The following EP400 variants were observed in gnomAD, a reference collection of about 807,000 sequenced individuals.
EP400 encodes the protein E1A binding protein p400.
A neutral mutation model predicts 354.1 loss-of-function variants in EP400; 105 were observed. That is an observed-to-expected ratio of 0.30 (90% CI 0.25 to 0.35). The LOEUF is 0.35. Ranked by LOEUF, EP400 falls within the 10% of genes least tolerant of loss-of-function variation. EP400 has a pLI of 1.00. For missense variants in EP400, 3,280 were observed against 4,121.0 expected, an observed-to-expected ratio of 0.80 and a Z score of 5.59; for synonymous variants, 1,646 against 1,716.9, an observed-to-expected ratio of 0.96 and a Z score of 1.02.
At chr12:132,049,814 C>T (rs371699482) in intron 39 of EP400, among the ~76,000 whole-genome samples, 10 of 152,348 alleles carry the variant, frequency 6.6e-5, no homozygotes, top group South Asian at 4.1e-4. Flanking sequence ...CATTGTTTAG[C>T]TGTGCCATTT....
At chr12:132,041,297 T>C (rs1420817671) in intron 32 of EP400, among the ~76,000 whole-genome samples, 1 of 152,210 alleles carries the variant, frequency 6.6e-6, no homozygotes, top group East Asian at 1.9e-4. Flanking sequence ...ACAGCAAGTG[T>C]ACACATTACA....
At chr12:131,962,061 A>ATT in intron 2 of EP400, 107 bp downstream of exon 2, 1 of 1,385,846 alleles carries the variant, frequency 7.2e-7, no homozygotes, top group Non-Finnish European at 9.6e-7. Context: ...TTTCTAAGGT[A>ATT]TTTCTAAGGT....
chr12:132,066,441 C>T, intron 48 of EP400: 1 of 263,674 alleles, frequency 3.8e-6, no homozygotes, highest in Non-Finnish European at 7.2e-6. Flanking sequence ...AGTGAAAAGC[C>T]TTCTGTGGGA....
At chr12:131,991,332 C>A in intron 9 of EP400, 75 bp from the exon 10 acceptor site, 1 of 1,496,940 alleles carries the variant, frequency 6.7e-7, no homozygotes, top group Non-Finnish European at 9.3e-7. Flanking sequence ...GCAGCAGGAC[C>A]CTGCCTGGAA....
chr12:132,018,275 G>A lies in EP400; in HGVS notation c.4176G>A (p.Glu1392=). 1 of 1,613,916 alleles carries A rather than the reference G, an allele frequency of 6.2e-7. No homozygotes were observed. The highest frequency in any genetic ancestry group is 8.5e-7 in the Non-Finnish European group (1 of 1,179,966). ...ATAAAATCACTCGTCACGAGGCAGA[G>A]TTGCTGTCTAAGAAAAAGATACCGC... The part of the protein sequence containing the change: ...LENKITRHEA[E]LLSKKKIPRK... The change falls in exon 21 of 53, where the codon GAG becomes GAA. Residue 1392 remains glutamate, a synonymous_variant. Transcript: ENST00000389561. The surrounding 1 kb of genome is among the most constrained non-coding windows in gnomAD (Gnocchi z 4.0).
At chr12:132,033,937 C>T (rs931521727) in intron 30 of EP400, among the ~76,000 whole-genome samples, 2 of 151,922 alleles carry the variant, frequency 1.3e-5, no homozygotes, top group Non-Finnish European at 2.9e-5. Flanking sequence ...ACATGTTCCT[C>T]GAGGGAAAAA....
chr12:132,071,403 C>T (rs564674646), intron 51 of EP400, among the ~76,000 whole-genome samples: 29 of 152,246 alleles, frequency 1.9e-4, no homozygotes, highest in African/African-American at 6.5e-4. Context: ...CAGGTGTGTA[C>T]GCCTGACCTG....
chr12:132,066,554 C>A, intron 48 of EP400: 1 of 536,448 alleles, frequency 1.9e-6, no homozygotes, highest in Non-Finnish European at 3.2e-6. Flanking sequence ...GTGTGATGAG[C>A]CTGCAGGTCT....
chr12:132,031,855 T>C (rs1177120645), intron 29 of EP400, 98 bp from the exon 30 acceptor site: 1 of 1,322,212 alleles, frequency 7.6e-7, no homozygotes, highest in Non-Finnish European at 1.0e-6. Flanking sequence ...ACGCCCGGCC[T>C]GCTGTGGGAT....
intron 32 of EP400, 37 bp from the exon 33 acceptor site, chr12:132,043,267 A>C: frequency 6.3e-7 from 1 of 1,582,222 alleles, no homozygotes. Context: ...TCATTTAAAA[A>C]GTCTATCAAG....
At chr12:132,061,028 T>C (rs1351408586) in intron 45 of EP400, among the ~76,000 whole-genome samples, 1 of 152,078 alleles carries the variant, frequency 6.6e-6, no homozygotes, top group South Asian at 2.1e-4. Context: ...AAGAAAGGTG[T>C]TCCCAGCTGG....
At chr12:131,963,446 T>C in intron 2 of EP400, 2 of 931,922 alleles carry the variant, frequency 2.1e-6, no homozygotes. Context: ...CAAATGTCAG[T>C]GAGCTATCAG....
intron 48 of EP400, chr12:132,065,228 G>A (rs967587095): frequency 1.7e-4 from 62 of 368,374 alleles, no homozygotes; most frequent in Admixed American, 4.8e-4. Flanking sequence ...AGCAGAGGGC[G>A]CTGTGCATGT....
chr12:132,039,689 C>T (rs952880824), intron 32 of EP400, among the ~76,000 whole-genome samples: 27 of 152,190 alleles, frequency 1.8e-4, no homozygotes, highest in Admixed American at 3.9e-4. Context: ...GGATCAACCT[C>T]ATTGTGTTTT....
rs1303846291 is a variant in EP400 at position 132,024,311 on chromosome 12, T to C, written c.4855+370T>C. On this transcript the variant is annotated intron_variant, in intron 24 of 52. Coordinates refer to ENST00000389561, the MANE Select transcript of EP400 (RefSeq NM_015409.5). ...TCACCTGAGCCCCAGAGGTTGAAACTGCAGTGAGCCGAGATCGTGTCACTG... is the reference window on the plus strand; with the variant it reads ...TCACCTGAGCCCCAGAGGTTGAAACCGCAGTGAGCCGAGATCGTGTCACTG... 3.9e-5 allele frequency among the ~76,000 whole-genome samples: 6 copies of C among 152,172 alleles called. No individual in the cohort carries two copies. In the East Asian group the frequency reaches 1.2e-3, roughly 29 times the overall value.
At position 132,050,188 on chromosome 12, in the gene EP400, A is replaced by C; in HGVS notation, c.7201-135A>C. On this transcript the variant is annotated intron_variant, in intron 39 of 52. Transcript: ENST00000389561. This position sits in a 1 kb window ranked among gnomAD's most constrained non-coding sequence, Gnocchi z 4.8. ...TGGGTTATGCCTGAACTTGGAAAGA[A>C]GGCCCAGGAAAAGGAAGTTTGTGTT... The C allele has an allele frequency of 1.5e-5, 17 of 1,096,888 alleles. No individual in the cohort carries two copies. The highest frequency in any genetic ancestry group is 2.2e-5 in the Non-Finnish European group (17 of 769,646). The allele number at this position is 1,096,888 out of a possible 1,614,324, so 67.9% of individuals were successfully genotyped here. A position where few individuals can be genotyped will look rare whatever the true frequency, so the allele number is the denominator to read the frequency against.
chr12:131,983,276 G>A (rs1031778876), intron 5 of EP400, among the ~76,000 whole-genome samples: 15 of 152,204 alleles, frequency 9.9e-5, no homozygotes, highest in Non-Finnish European at 1.8e-4. Context: ...CTCCCTGGAC[G>A]CCTGCTTTGC....
At position 132,029,871 on chromosome 12, in the gene EP400, T is replaced by C. The variant is rs1894430239; in HGVS notation, c.5552T>C (p.Phe1851Ser). 1 of 1,612,880 alleles carries C rather than the reference T, an allele frequency of 6.2e-7. No individual in the cohort carries two copies. Among genetic ancestry groups the C allele is most frequent in the Non-Finnish European group, 8.5e-7 (1 of 1,180,008 alleles). The change falls in exon 28 of 53, where the codon TTC (phenylalanine) becomes TCC (serine). Residue 1851 changes from phenylalanine (F) to serine (S), a missense_variant. Transcript: ENST00000389561. This position sits in a 1 kb window ranked among gnomAD's most constrained non-coding sequence, Gnocchi z 4.7. ...RQTTAPRLLQ[F>S]PELRLVQFDS... Reference sequence around the variant, plus strand: ...ACCACGGCTCCACGCCTGCTGCAGTTCCCTGAGCTGAGGCTGGTGCAGTTC... The same window carrying C: ...ACCACGGCTCCACGCCTGCTGCAGTCCCCTGAGCTGAGGCTGGTGCAGTTC...
At chr12:131,967,504 A>G (rs1892142204) in intron 2 of EP400, among the ~76,000 whole-genome samples, 1 of 151,836 alleles carries the variant, frequency 6.6e-6, no homozygotes, top group Non-Finnish European at 1.5e-5. Flanking sequence ...CCTGACCAAC[A>G]TAGTGAAACC....
Sources: gnomAD v4.1 joint callset for allele counts (sites outside exome capture counted in the v4.1 genomes callset) on GRCh38, gnomAD v4.1.1 for gene constraint, Gnocchi (gnomAD v3.1) non-coding constraint, MANE v1.5 for transcripts, NCBI Gene and HGNC (gene_info 2026-07-23, HGNC 2026-07-21) for gene names.